NSD2: variants seen among roughly 807,000 people sequenced by gnomAD.
The protein encoded by NSD2 is nuclear receptor binding SET domain protein 2.
Under a neutral mutation model 139.0 loss-of-function variants are expected in NSD2, and 12 were observed. The observed-to-expected ratio is 0.09, with a 90% CI of 0.06 to 0.14. NSD2 has a LOEUF of 0.14. Ranked by LOEUF, NSD2 falls within the 10% of genes least tolerant of loss-of-function variation. The pLI is 1.00. For synonymous variants in NSD2, 669 were observed against 648.7 expected, an observed-to-expected ratio of 1.03 and a Z score of -0.48; for missense variants, 1,155 against 1,745.0, an observed-to-expected ratio of 0.66 and a Z score of 6.02.
At chr4:1,921,104 T>C (rs1720057111) in intron 5 of NSD2, among the ~76,000 whole-genome samples, 1 of 152,184 alleles carries the variant, frequency 6.6e-6, no homozygotes, top group African/African-American at 2.4e-5. Context: ...ACTTCCTAAA[T>C]CTGTTTAAGG....
In NSD2 at chr4:1,981,020, C is replaced by T. The variant is rs541555421; in HGVS notation, c.*2111C>T. 1 of 233,164 alleles carries T rather than the reference C, an allele frequency of 4.3e-6. No homozygotes were observed. The highest frequency in any genetic ancestry group is 5.6e-5 in the Admixed American group (1 of 17,778). The allele number at this position is 233,164 out of a possible 1,614,324, so 14.4% of individuals were successfully genotyped here. ...ATCCCTTCCGGCAGGTAAGGGACTA[C>T]CAATGCTTACGTCAAAACAGCAGAA... On this transcript the variant is annotated 3_prime_UTR_variant, in exon 22 of 22. Transcript: ENST00000508803.
chr4:1,978,606 T>G (rs1727386207), intron 21 of NSD2, 32 bp from the exon 22 acceptor site: 1 of 1,576,884 alleles, frequency 6.3e-7, no homozygotes, highest in South Asian at 1.2e-5. Flanking sequence ...TTCCATCACT[T>G]CTGTGTGCTC....
At chr4:1,889,707 C>CT (rs1715384229) in intron 1 of NSD2, among the ~76,000 whole-genome samples, 2 of 151,952 alleles carry the variant, frequency 1.3e-5, no homozygotes, top group Admixed American at 6.5e-5. Context: ...TCATGTTGGT[C>CT]AGGCTGGTCC....
intron 3 of NSD2, among the ~76,000 whole-genome samples, chr4:1,905,978 A>G (rs943594050): frequency 2.6e-5 from 4 of 152,178 alleles, no homozygotes; most frequent in Admixed American, 1.3e-4. Flanking sequence ...GCCCGGGTGC[A>G]GGCACACATG....
rs971499992 is a variant in NSD2 at position 1,979,248 on chromosome 4, C to T, written c.*339C>T. ...TAATTGGCATATGGAATGTTTTAATCTCCTCTGAAATGTGTAGCGTAGGCT... is the reference window on the plus strand; with the variant it reads ...TAATTGGCATATGGAATGTTTTAATTTCCTCTGAAATGTGTAGCGTAGGCT... On this transcript the variant is annotated 3_prime_UTR_variant, in exon 22 of 22. Transcript: ENST00000508803. 2.1e-5 allele frequency: 6 copies of T among 284,030 alleles called. No homozygotes were observed. In the South Asian group the frequency reaches 7.0e-4, roughly 33 times the overall value. The allele number at this position is 284,030 out of a possible 1,614,324, so 17.6% of individuals were successfully genotyped here.
At chr4:1,903,202 A>G (rs972784975) in intron 2 of NSD2, among the ~76,000 whole-genome samples, 1 of 152,204 alleles carries the variant, frequency 6.6e-6, no homozygotes, top group Non-Finnish European at 1.5e-5. Flanking sequence ...GGCCTGAGGC[A>G]GTGGAACAAT....
In NSD2 at chr4:1,948,188, A is replaced by G. The variant is rs1196275831; in HGVS notation, c.1882-2884A>G. ...AAAAGTCAGGAGCTAAGCTGCTCGG[A>G]GCTCAGTGCCGCAGCATGGCTGTGG... On this transcript the variant is annotated intron_variant, in intron 9 of 21. Coordinates refer to ENST00000508803, the MANE Select transcript of NSD2 (RefSeq NM_001042424.3). This position sits in a 1 kb window ranked among gnomAD's most constrained non-coding sequence, Gnocchi z 4.5. 3.8e-6 allele frequency: 4 copies of G among 1,063,872 alleles called. No individual in the cohort carries two copies. Among genetic ancestry groups the G allele is most frequent in the Non-Finnish European group, 4.6e-6 (4 of 878,204 alleles). The allele number at this position is 1,063,872 out of a possible 1,614,324, so 65.9% of individuals were successfully genotyped here. A position where few individuals can be genotyped will look rare whatever the true frequency, so the allele number is the denominator to read the frequency against.
intron 1 of NSD2, among the ~76,000 whole-genome samples, chr4:1,895,798 G>A (rs1716204922): frequency 6.6e-6 from 1 of 152,148 alleles, no homozygotes; most frequent in South Asian, 2.1e-4. Flanking sequence ...TTTGGTCTCC[G>A]GATTTAGCCT....
chr4:1,951,417 A>T (rs1014106362), intron 10 of NSD2, among the ~76,000 whole-genome samples: 2 of 143,470 alleles, frequency 1.4e-5, no homozygotes, highest in East Asian at 2.3e-4. Context: ...CACATGTAGG[A>T]TGAGATTTGT....
intron 2 of NSD2, among the ~76,000 whole-genome samples, chr4:1,902,873 G>A (rs1717369652): frequency 6.6e-6 from 1 of 152,122 alleles, no homozygotes; most frequent in Admixed American, 6.5e-5. Context: ...TAATCTGGTA[G>A]CTGTTCTGAA....
intron 1 of NSD2, among the ~76,000 whole-genome samples, chr4:1,874,016 G>T (rs1714067051): frequency 6.6e-6 from 1 of 152,154 alleles, no homozygotes; most frequent in African/African-American, 2.4e-5. Flanking sequence ...GGCACACTCA[G>T]CCTTCCTGGC....
At chr4:1,946,958 T>C (rs534196160) in intron 9 of NSD2, 2 of 1,061,316 alleles carry the variant, frequency 1.9e-6, no homozygotes, top group East Asian at 5.1e-5. Context: ...AACTCTCGGG[T>C]AATATTTTGA....
In NSD2 at chr4:1,927,724, A is replaced by G. The variant is rs1220968961; in HGVS notation, c.1411-2902A>G. On this transcript the variant is annotated intron_variant, in intron 5 of 21. Transcript: ENST00000508803. Reference sequence around the variant, plus strand: ...ACAATGAGACTCTTATCTCAGAAAAAAAAAAAAAAAAAAAAAAAAAAAAAA... The same window carrying G: ...ACAATGAGACTCTTATCTCAGAAAAGAAAAAAAAAAAAAAAAAAAAAAAAA... 7.7e-5 allele frequency among the ~76,000 whole-genome samples: 10 copies of G among 130,490 alleles called. No homozygotes were observed. In the East Asian group the frequency reaches 7.9e-4, roughly 10 times the overall value. 85.6% of individuals were successfully genotyped at this position (130,490 alleles called of 152,430 possible). A position where few individuals can be genotyped will look rare whatever the true frequency, so the allele number is the denominator to read the frequency against.
At chr4:1,977,405 T>C (rs1032080731) in intron 21 of NSD2, among the ~76,000 whole-genome samples, 4 of 152,218 alleles carry the variant, frequency 2.6e-5, no homozygotes, top group Non-Finnish European at 4.4e-5. Context: ...CGTTACAATC[T>C]TGCAGTGTGT....
chr4:1,935,746 A>G (rs1459173095), intron 7 of NSD2, among the ~76,000 whole-genome samples: 1 of 152,106 alleles, frequency 6.6e-6, no homozygotes, highest in Non-Finnish European at 1.5e-5. Flanking sequence ...CTGTAATCCC[A>G]GCTACTCAAG....
At position 1,930,606 on chromosome 4, in the gene NSD2, A is replaced by C. The variant is rs773996098; in HGVS notation, c.1411-20A>C. 52 of 1,586,324 alleles carry C rather than the reference A, an allele frequency of 3.3e-5. No individual in the cohort carries two copies. The highest frequency in any genetic ancestry group is 4.0e-5 in the Non-Finnish European group (47 of 1,165,340). ...TTTTACGGATTTAACTTCTCATTGC[A>C]CCTTCTCCCGTTCCCACAGGTGGTA... On this transcript the variant is annotated intron_variant, in intron 5 of 21. Coordinates refer to ENST00000508803, the MANE Select transcript of NSD2 (RefSeq NM_001042424.3).
At chr4:1,927,080 T>C (rs1365215161) in intron 5 of NSD2, among the ~76,000 whole-genome samples, 1 of 152,156 alleles carries the variant, frequency 6.6e-6, no homozygotes, top group African/African-American at 2.4e-5. Context: ...TGCTGGAGGA[T>C]CTGCTTCCAG....
Position 1,972,972 on chromosome 4 carries a change from C to G in NSD2, c.3373-1891C>G, listed in dbSNP as rs1577577842. Among the ~76,000 whole-genome samples, 2 of 152,128 alleles carry G rather than the reference C, an allele frequency of 1.3e-5. No individual in the cohort carries two copies. Among genetic ancestry groups the G allele is most frequent in the South Asian group, 2.1e-4 (1 of 4,828 alleles). On this transcript the variant is annotated intron_variant, in intron 18 of 21. Coordinates refer to ENST00000508803, the MANE Select transcript of NSD2 (RefSeq NM_001042424.3). The surrounding 1 kb of genome is among the most constrained non-coding windows in gnomAD (Gnocchi z 4.0). The stretch of plus-strand genomic sequence containing the variant: ...GGTTCAAGCCATTCTCCTGCCTCAG[C>G]CTCCCGAGTAACTGGGATTACCGGT...
Position 1,917,018 on chromosome 4 carries a change from C to T in NSD2, c.908C>T (p.Thr303Met). 1.9e-6 allele frequency: 3 copies of T among 1,612,524 alleles called. No homozygotes were observed. The highest frequency in any genetic ancestry group is 2.2e-5 in the East Asian group (1 of 44,866). Residue 303 changes from threonine (T) to methionine (M), a missense_variant, in exon 4 of 22, where the codon ACG becomes ATG. Physicochemically the swap from Thr to Met is moderately conservative, Grantham distance 81. Transcript: ENST00000508803. ...LCQESAKQAP[T>M]KAEKIKLLKP... is the part of the protein sequence containing the mutation. ...CAGGAAAGTGCCAAGCAGGCACCCACGAAAGCTGAGAAAATTAAGGTGATA... is the reference window on the plus strand; with the variant it reads ...CAGGAAAGTGCCAAGCAGGCACCCATGAAAGCTGAGAAAATTAAGGTGATA...
Sources: gnomAD v4.1 joint callset for allele counts (sites outside exome capture counted in the v4.1 genomes callset) on GRCh38, gnomAD v4.1.1 for gene constraint, Gnocchi (gnomAD v3.1) non-coding constraint, MANE v1.5 for transcripts, NCBI Gene and HGNC (gene_info 2026-07-23, HGNC 2026-07-21) for gene names.